Variants in SLIT3 observed in about 807,000 individuals in gnomAD.
The protein encoded by SLIT3 is slit guidance ligand 3, also known as slit homolog 3 protein.
A neutral mutation model predicts 184.0 loss-of-function variants in SLIT3; 68 were observed. The ratio of observed to expected loss-of-function variants is 0.37; its 90% CI spans 0.30 to 0.45. The LOEUF (loss-of-function observed/expected upper bound fraction) is 0.45. SLIT3 is among the 20% of genes least tolerant of loss of function. SLIT3 has a pLI of 1.00. For missense variants in SLIT3, 1,707 were observed against 2,026.0 expected, an observed-to-expected ratio of 0.84 and a Z score of 3.02; for synonymous variants, 831 against 828.6, an observed-to-expected ratio of 1.00 and a Z score of -0.05.
At chr5:168,845,116 T>C (rs1297846388) in intron 5 of SLIT3, among the ~76,000 whole-genome samples, 1 of 152,148 alleles carries the variant, frequency 6.6e-6, no homozygotes, top group Non-Finnish European at 1.5e-5. Flanking sequence ...GTTGCAGTCT[T>C]CTGCTCTGAC....
intron 1 of SLIT3, among the ~76,000 whole-genome samples, chr5:169,257,199 C>T (rs1037624122): frequency 4.6e-5 from 7 of 152,100 alleles, no homozygotes; most frequent in African/African-American, 7.2e-5. Context: ...TGCCTTCAGG[C>T]CTGAGGAATA....
chr5:169,099,348 G>C (rs1039251719), intron 4 of SLIT3, among the ~76,000 whole-genome samples: 1 of 152,088 alleles, frequency 6.6e-6, no homozygotes, highest in Admixed American at 6.6e-5. Flanking sequence ...CCTCATGCTT[G>C]TGTGACTTGT....
chr5:169,094,268 G>A lies in SLIT3; in HGVS notation c.413+99211C>T, dbSNP rs296003. The stretch of plus-strand genomic sequence containing the variant: ...GAAACAGAGGCTCATGAAGTTAAAC[G>A]ACTTGTCCAAGGTCACGGTGCTAAT... On this transcript the variant is annotated intron_variant, in intron 4 of 35. Transcript: ENST00000519560. Among the ~76,000 whole-genome samples, 1,297 of 152,286 alleles carry A rather than the reference G, an allele frequency of 8.5e-3. 17 individuals carry two copies. Among genetic ancestry groups the A allele is most frequent in the African/African-American group, 0.03 (1,236 of 41,562 alleles).
chr5:169,232,582 GATTT>G (rs1354729056), intron 3 of SLIT3, among the ~76,000 whole-genome samples: 1 of 152,122 alleles, frequency 6.6e-6, no homozygotes, highest in Admixed American at 6.6e-5. Context: ...ACTTGTAATT[GATTT>G]ATGAATGGCA....
chr5:168,821,893 T>C (rs1421904105), intron 7 of SLIT3, among the ~76,000 whole-genome samples: 1 of 152,228 alleles, frequency 6.6e-6, no homozygotes, highest in African/African-American at 2.4e-5. Context: ...GGGTTCTCTG[T>C]ATTACCTCTT....
chr5:169,114,772 G>A (rs982239895), intron 4 of SLIT3, among the ~76,000 whole-genome samples: 2 of 152,246 alleles, frequency 1.3e-5, no homozygotes, highest in African/African-American at 4.8e-5. Context: ...CTGGGAAGGA[G>A]TCTGGAGAAA....
At chr5:168,793,802 G>C (rs897885196) in intron 10 of SLIT3, among the ~76,000 whole-genome samples, 13 of 3,782 alleles carry the variant, frequency 3.4e-3, no homozygotes, top group Admixed American at 6.5e-3. Flanking sequence ...AAATGAATTG[G>C]GGGGGGGGAT....
chr5:169,192,471 A>T (rs1218946673), intron 4 of SLIT3, among the ~76,000 whole-genome samples: 1 of 151,850 alleles, frequency 6.6e-6, no homozygotes, highest in Non-Finnish European at 1.5e-5. Flanking sequence ...ACATATAGAA[A>T]TATATATTCC....
chr5:169,212,744 T>C (rs1764308620), intron 3 of SLIT3, among the ~76,000 whole-genome samples: 1 of 152,224 alleles, frequency 6.6e-6, no homozygotes, highest in South Asian at 2.1e-4. Context: ...AGGGTTTTTA[T>C]GGTTTTAGGT....
intron 5 of SLIT3, among the ~76,000 whole-genome samples, chr5:168,849,502 A>G (rs1483927129): frequency 2.0e-5 from 3 of 152,212 alleles, no homozygotes; most frequent in African/African-American, 7.2e-5. Context: ...TCACAAGGGA[A>G]GCCTTACTAG....
At chr5:168,769,504 G>C (rs1167734077) in intron 14 of SLIT3, among the ~76,000 whole-genome samples, 2 of 152,172 alleles carry the variant, frequency 1.3e-5, no homozygotes, top group Non-Finnish European at 2.9e-5. Flanking sequence ...GGAAGAGCCA[G>C]CCCACAGCTC....
chr5:169,281,880 C>CG (rs946563831), intron 1 of SLIT3, among the ~76,000 whole-genome samples: 5 of 151,900 alleles, frequency 3.3e-5, no homozygotes, highest in Non-Finnish European at 7.4e-5. Flanking sequence ...AATTTTCCCC[C>CG]CCAGGGGACA....
At chr5:168,716,302 G>A (rs1762729446) in intron 23 of SLIT3, among the ~76,000 whole-genome samples, 1 of 151,908 alleles carries the variant, frequency 6.6e-6, no homozygotes, top group East Asian at 1.9e-4. Flanking sequence ...CCTAGAGCCC[G>A]GTATCTTCCA....
chr5:168,975,264 T>C (rs1459731795), intron 4 of SLIT3, among the ~76,000 whole-genome samples: 3 of 152,092 alleles, frequency 2.0e-5, no homozygotes, highest in Non-Finnish European at 4.4e-5. Flanking sequence ...GCCACCGGGC[T>C]CTCCAGAGCA....
intron 4 of SLIT3, among the ~76,000 whole-genome samples, chr5:169,183,029 T>C (rs969420334): frequency 2.6e-5 from 4 of 152,184 alleles, no homozygotes; most frequent in African/African-American, 4.8e-5. Flanking sequence ...CAAGGAAGTC[T>C]GAGAAAGAGC....
intron 4 of SLIT3, among the ~76,000 whole-genome samples, chr5:169,002,689 A>G (rs1755761904): frequency 6.6e-6 from 1 of 152,170 alleles, no homozygotes; most frequent in Non-Finnish European, 1.5e-5. Flanking sequence ...ACAAGAGGGG[A>G]TGAGGACTAC....
chr5:169,269,066 G>T (rs1240080926), intron 1 of SLIT3, among the ~76,000 whole-genome samples: 4 of 152,186 alleles, frequency 2.6e-5, no homozygotes, highest in African/African-American at 9.6e-5. Flanking sequence ...CTGGAGGACA[G>T]GCCTGGATGG....
At chr5:169,181,516 C>T (rs892809937) in intron 4 of SLIT3, among the ~76,000 whole-genome samples, 4 of 151,960 alleles carry the variant, frequency 2.6e-5, no homozygotes, top group South Asian at 2.1e-4. Flanking sequence ...CTGAGGTGGG[C>T]GGATCACGAG....
intron 27 of SLIT3, among the ~76,000 whole-genome samples, chr5:168,698,206 T>C (rs978520627): frequency 6.6e-6 from 1 of 152,352 alleles, no homozygotes; most frequent in African/African-American, 2.4e-5. Context: ...AGACCTGTTA[T>C]GGGTTGAATT....
Sources: gnomAD v4.1 joint callset for allele counts (sites outside exome capture counted in the v4.1 genomes callset) on GRCh38, gnomAD v4.1.1 for gene constraint, MANE v1.5 for transcripts, NCBI Gene and HGNC (gene_info 2026-07-23, HGNC 2026-07-21) for gene names.